Variants in COTL1 observed in about 807,000 individuals in gnomAD.
The protein encoded by COTL1 is coactosin-like protein.
In COTL1, 15 loss-of-function variants were observed where a neutral mutation model predicts 16.5. The ratio of observed to expected loss-of-function variants is 0.91; its 90% CI spans 0.61 to 1.40. COTL1 has a LOEUF of 1.40. Ranked by LOEUF, COTL1 falls within the 40% of genes most tolerant of loss-of-function variation. COTL1 has a pLI of 0.00. For missense variants in COTL1, 220 were observed against 201.5 expected (o/e 1.09, Z -0.56); for synonymous variants, 112 against 85.3 (o/e 1.31, Z -1.73).
intron 3 of COTL1, among the ~76,000 whole-genome samples, chr16:84,587,991 C>T (rs1904774934): frequency 6.6e-6 from 1 of 151,968 alleles, no homozygotes; most frequent in Non-Finnish European, 1.5e-5. Flanking sequence ...AGGCTGGTCT[C>T]AAACTCCTGA....
chr16:84,608,886 C>T (rs1905264243), intron 2 of COTL1, among the ~76,000 whole-genome samples: 1 of 152,278 alleles, frequency 6.6e-6, no homozygotes, highest in Non-Finnish European at 1.5e-5. Context: ...GACTGGGTGA[C>T]AGGGCACGAC....
chr16:84,580,082 G>A (rs961678831), intron 3 of COTL1, among the ~76,000 whole-genome samples: 1 of 152,232 alleles, frequency 6.6e-6, no homozygotes, highest in African/African-American at 2.4e-5. Context: ...CAGGTACCAG[G>A]CTAGGGCAGG....
At chr16:84,567,901 G>A (rs1274261161) in intron 3 of COTL1, 1 of 150,808 alleles carries the variant, frequency 6.6e-6, no homozygotes, top group African/African-American at 2.5e-5. Flanking sequence ...CGGACAGCTT[G>A]ACAAAAAAAA....
At chr16:84,615,487 C>T (rs1905450453) in intron 2 of COTL1, among the ~76,000 whole-genome samples, 2 of 152,052 alleles carry the variant, frequency 1.3e-5, no homozygotes, top group Admixed American at 1.3e-4. Context: ...CTGGAGAGAA[C>T]AGTAGCTTCA....
chr16:84,609,710 G>T (rs1184226880), intron 2 of COTL1, among the ~76,000 whole-genome samples: 3 of 152,198 alleles, frequency 2.0e-5, no homozygotes, highest in Non-Finnish European at 2.9e-5. Flanking sequence ...CAGGGGGGCA[G>T]TTTCCCCCAT....
At chr16:84,614,136 C>T (rs1905405868) in intron 2 of COTL1, among the ~76,000 whole-genome samples, 1 of 152,212 alleles carries the variant, frequency 6.6e-6, no homozygotes, top group Admixed American at 6.5e-5. Context: ...GGCTAGAGGC[C>T]ACAGTGGATT....
chr16:84,598,051 A>G (rs1237886886), intron 2 of COTL1, among the ~76,000 whole-genome samples: 1 of 152,178 alleles, frequency 6.6e-6, no homozygotes, highest in African/African-American at 2.4e-5. Context: ...CACTGAGGAT[A>G]CAGCAAGGTC....
intron 2 of COTL1, among the ~76,000 whole-genome samples, chr16:84,593,168 G>A (rs2150689147): frequency 6.6e-6 from 1 of 152,364 alleles, no homozygotes; most frequent in Admixed American, 6.5e-5. Context: ...CCAAGGGCCT[G>A]GACACCTTGG....
Position 84,581,811 on chromosome 16 carries a change from T to C in COTL1, c.318+8294A>G, listed in dbSNP as rs1309691524. On this transcript the variant is annotated intron_variant, in intron 3 of 3. Transcript: ENST00000262428. ...TGAGCCACTGCGCTCAGCCTCCTGC[T>C]TTCTATTGAAACAGAAGCAGAGATT... Among the ~76,000 whole-genome samples the C allele has an allele frequency of 7.2e-5, 11 of 151,950 alleles. No homozygotes were observed. The South Asian group carries it at 1.5e-3, about 20-fold the overall frequency.
intron 2 of COTL1, chr16:84,594,295 C>T (rs1380353471): frequency 6.6e-6 from 1 of 152,304 alleles, no homozygotes; most frequent in Non-Finnish European, 1.5e-5. Flanking sequence ...GTGGAACCTC[C>T]AACCTAAAGC....
intron 3 of COTL1, among the ~76,000 whole-genome samples, chr16:84,582,882 C>T (rs1466555661): frequency 6.6e-6 from 1 of 152,198 alleles, no homozygotes; most frequent in Non-Finnish European, 1.5e-5. Flanking sequence ...TCTCACTCCC[C>T]TACACGCCGT....
intron 2 of COTL1, among the ~76,000 whole-genome samples, chr16:84,591,237 G>A (rs1321925462): frequency 2.7e-5 from 4 of 146,902 alleles, no homozygotes; most frequent in African/African-American, 5.1e-5. Flanking sequence ...AGGCTGAAGT[G>A]CAGTGGCGCG....
At chr16:84,597,512 G>T (rs1268351292) in intron 2 of COTL1, among the ~76,000 whole-genome samples, 3 of 152,138 alleles carry the variant, frequency 2.0e-5, no homozygotes, top group Admixed American at 6.5e-5. Context: ...GGGTACTCAG[G>T]CTCCACTCAG....
At chr16:84,591,791 T>G (rs11643191) in intron 2 of COTL1, among the ~76,000 whole-genome samples, 36,525 of 148,606 alleles carry the variant, frequency 0.25, 4,590 homozygotes, top group East Asian at 0.31. Context: ...GCCACTGTAC[T>G]CCAGCCTGGG....
At chr16:84,575,603 C>T (rs1904435048) in intron 3 of COTL1, 1 of 151,954 alleles carries the variant, frequency 6.6e-6, no homozygotes, top group Non-Finnish European at 1.5e-5. Flanking sequence ...AGTGATCTCC[C>T]CCCCTTGGCC....
chr16:84,614,109 T>A (rs1905405133), intron 2 of COTL1, among the ~76,000 whole-genome samples: 10 of 152,256 alleles, frequency 6.6e-5, no homozygotes, highest in Admixed American at 6.5e-4. Context: ...CTGCTAGGAC[T>A]TCCCCTGGAG....
chr16:84,610,724 G>C (rs1905303670), intron 2 of COTL1, among the ~76,000 whole-genome samples: 1 of 151,634 alleles, frequency 6.6e-6, no homozygotes, highest in African/African-American at 2.4e-5. Flanking sequence ...AGGGAATGCT[G>C]GACAGAAAAA....
In COTL1 at chr16:84,566,185, C is replaced by T. The variant is rs528514891; in HGVS notation, c.*660G>A. On this transcript the variant is annotated 3_prime_UTR_variant, in exon 4 of 4. Transcript: ENST00000262428. ...AGGTAAGTTTTAAGGCAAATTTTAT[C>T]TCTTCTTATTCAGTCTGAGCCGGAC... 6.5e-6 allele frequency: 1 copy of T among 152,746 alleles called. No homozygotes were observed. The highest frequency in any genetic ancestry group is 1.9e-4 in the East Asian group (1 of 5,204). The allele number at this position is 152,746 out of a possible 1,614,324, so 9.5% of individuals were successfully genotyped here. A position where few individuals can be genotyped will look rare whatever the true frequency, so the allele number is the denominator to read the frequency against.
At chr16:84,577,876 C>T (rs1449300832) in intron 3 of COTL1, among the ~76,000 whole-genome samples, 1 of 152,142 alleles carries the variant, frequency 6.6e-6, no homozygotes, top group Non-Finnish European at 1.5e-5. Context: ...GATCTGTGAC[C>T]CCGACAGGGC....
Sources: allele counts gnomAD v4.1 joint callset (sites outside exome capture counted in the v4.1 genomes callset), GRCh38; gene constraint gnomAD v4.1.1; transcripts MANE v1.5; gene names NCBI Gene and HGNC (gene_info 2026-07-23, HGNC 2026-07-21).